The following GLG1 variants were observed in gnomAD, a reference collection of about 807,000 sequenced individuals.
GLG1 encodes the protein Golgi apparatus protein 1.
Under a neutral mutation model 160.5 loss-of-function variants are expected in GLG1, and 38 were observed. The ratio of observed to expected loss-of-function variants is 0.24; its 90% confidence interval spans 0.18 to 0.31. GLG1 has a LOEUF of 0.31. Ranked by LOEUF, GLG1 falls within the 10% of genes least tolerant of loss-of-function variation. The pLI, the probability that GLG1 is intolerant of heterozygous loss-of-function variation, is 1.00. For missense variants in GLG1, 1,373 were observed against 1,505.2 expected (o/e 0.91, Z 1.45); for synonymous variants, 644 against 543.4 (o/e 1.19, Z -2.57).
chr16:74,477,109 T>C (rs949796241), intron 12 of GLG1, among the ~76,000 whole-genome samples: 4 of 152,218 alleles, frequency 2.6e-5, no homozygotes, highest in Non-Finnish European at 4.4e-5. Flanking sequence ...AGGCAGGCCA[T>C]ACCATTGGCT....
Position 74,453,040 on chromosome 16 carries a change from A to T in GLG1, c.*127T>A. 1 of 1,486,554 alleles carries T rather than the reference A, an allele frequency of 6.7e-7. No homozygotes were observed. The highest frequency in any genetic ancestry group is 8.9e-7 in the Non-Finnish European group (1 of 1,118,322). 92.1% of individuals were successfully genotyped at this position (1,486,554 alleles called of 1,614,324 possible). A position where few individuals can be genotyped will look rare whatever the true frequency, so the allele number is the denominator to read the frequency against. ...GGCTGGATGGGACAACGCAGTGGACATCTGCTAATGCTCTAACACGGGGTT... is the reference window on the plus strand; with the variant it reads ...GGCTGGATGGGACAACGCAGTGGACTTCTGCTAATGCTCTAACACGGGGTT... On this transcript the variant is annotated 3_prime_UTR_variant, in exon 26 of 26. Transcript: ENST00000422840.
In GLG1 at chr16:74,480,298, T is replaced by C. The variant is rs562452730; in HGVS notation, c.1770A>G (p.Gly590=). 6.2e-7 allele frequency: 1 copy of C among 1,613,030 alleles called. No individual in the cohort carries two copies. Among genetic ancestry groups the C allele is most frequent in the Admixed American group, 1.7e-5 (1 of 60,002 alleles). ...WNETSEFMPQ[G]AVFSCLYRHA... is the part of the protein sequence containing the mutation. ...GTCTGTATAAACAAGAGAACACAGC[T>C]CCCTGAGGCATAAATTCACTGGTCT... Residue 590 remains glycine, a synonymous_variant, in exon 11 of 26, where the codon GGA becomes GGG. Coordinates refer to ENST00000422840, the MANE Select transcript of GLG1 (RefSeq NM_001145667.2).
At chr16:74,478,689 A>G (rs1450031335) in intron 11 of GLG1, among the ~76,000 whole-genome samples, 1 of 152,044 alleles carries the variant, frequency 6.6e-6, no homozygotes, top group African/African-American at 2.4e-5. Flanking sequence ...AGGCGGGCAG[A>G]TCACCTGAGG....
At chr16:74,480,183 AAAC>A in intron 11 of GLG1, 55 bp downstream of exon 11, 1 of 1,394,644 alleles carries the variant, frequency 7.2e-7, no homozygotes, top group Non-Finnish European at 1.0e-6. Context: ...AATATACAGC[AAAC>A]AATTTAAAAA....
intron 2 of GLG1, among the ~76,000 whole-genome samples, chr16:74,531,575 C>T (rs1449292235): frequency 6.6e-6 from 1 of 151,948 alleles, no homozygotes; most frequent in Admixed American, 6.6e-5. Flanking sequence ...GATCTACCTG[C>T]CTCAGCCTCC....
chr16:74,476,726 T>C (rs566078772), intron 12 of GLG1, among the ~76,000 whole-genome samples: 17 of 152,300 alleles, frequency 1.1e-4, no homozygotes, highest in African/African-American at 3.8e-4. Flanking sequence ...CAGGGAATTT[T>C]TGGGGGCTGC....
chr16:74,483,455 G>C (rs1030490158), intron 9 of GLG1, among the ~76,000 whole-genome samples: 2 of 152,026 alleles, frequency 1.3e-5, no homozygotes, highest in Non-Finnish European at 2.9e-5. Context: ...TCAATCTGTG[G>C]CCAAGTCTGT....
rs1028336894 is a variant in GLG1 at position 74,557,313 on chromosome 16, A to G, written c.439-25160T>C. 3.9e-5 allele frequency among the ~76,000 whole-genome samples: 6 copies of G among 152,312 alleles called. No individual in the cohort carries two copies. In the Middle Eastern group the frequency reaches 0.01, roughly 259 times the overall value. ...TACTATGTAATAGTAAGTGTGCTGA[A>G]GTAAAGCTGTGAGACTCAATTAAAG... is the stretch of plus-strand genomic sequence containing the variant. On this transcript the variant is annotated intron_variant, in intron 1 of 25. Transcript: ENST00000422840.
chr16:74,459,218 C>G (rs551622671), intron 23 of GLG1, among the ~76,000 whole-genome samples: 1 of 152,302 alleles, frequency 6.6e-6, no homozygotes, highest in South Asian at 2.1e-4. Flanking sequence ...GTGGCTCACA[C>G]CTGTAATCCC....
At chr16:74,480,134 T>C (rs1005715) in intron 11 of GLG1, 107 bp downstream of exon 11, 133,491 of 883,586 alleles carry the variant, frequency 0.15, 11,962 homozygotes, top group Admixed American at 0.3. Context: ...CCCCACAAAA[T>C]AGTCTAAAAA....
At chr16:74,480,516 A>G in intron 10 of GLG1, 122 bp from the exon 11 acceptor site, 1 of 617,144 alleles carries the variant, frequency 1.6e-6, no homozygotes, top group Non-Finnish European at 2.8e-6. Flanking sequence ...AGGGGCGTGG[A>G]GACAGAAGAT....
At chr16:74,551,394 C>T (rs1331265110) in intron 1 of GLG1, among the ~76,000 whole-genome samples, 1 of 151,756 alleles carries the variant, frequency 6.6e-6, no homozygotes, top group East Asian at 1.9e-4. Flanking sequence ...CCAACCCCCA[C>T]CTCAGCTCAA....
chr16:74,579,926 G>A (rs1174326135), intron 1 of GLG1, among the ~76,000 whole-genome samples: 1 of 148,324 alleles, frequency 6.7e-6, no homozygotes, highest in African/African-American at 2.5e-5. Context: ...AGCTGGGCGT[G>A]GTGGCACGTG....
chr16:74,509,231 G>T (rs537976186), intron 2 of GLG1, among the ~76,000 whole-genome samples: 1 of 143,532 alleles, frequency 7.0e-6, no homozygotes, highest in Admixed American at 7.2e-5. Flanking sequence ...GGAGTGCAAC[G>T]GCGTGATCGT....
Position 74,447,858 on chromosome 16 carries a change from G to C in GLG1, c.*5309C>G, listed in dbSNP as rs1597204290. ...CCTAGCATGTCTGACAGAAAGCCCT[G>C]CTGGGCTCTGGGGTCCAGATGTCAA... is the stretch of plus-strand genomic sequence containing the variant. On this transcript the variant is annotated 3_prime_UTR_variant, in exon 26 of 26. Coordinates refer to ENST00000422840, the MANE Select transcript of GLG1 (RefSeq NM_001145667.2). 6.6e-6 allele frequency: 1 copy of C among 152,420 alleles called. No individual in the cohort carries two copies. The highest frequency in any genetic ancestry group is 1.9e-4 in the East Asian group (1 of 5,176). 9.4% of individuals were successfully genotyped at this position (152,420 alleles called of 1,614,324 possible).
At chr16:74,567,092 T>G (rs1397363298) in intron 1 of GLG1, among the ~76,000 whole-genome samples, 3 of 152,236 alleles carry the variant, frequency 2.0e-5, no homozygotes, top group Admixed American at 2.0e-4. Context: ...ATGGGTCTCC[T>G]AAAATCTAGC....
intron 9 of GLG1, among the ~76,000 whole-genome samples, chr16:74,484,114 C>T (rs1440427300): frequency 2.0e-5 from 3 of 151,930 alleles, no homozygotes; most frequent in South Asian, 2.1e-4. Flanking sequence ...GTTATTTTTA[C>T]ACTGTAAATA....
Position 74,470,054 on chromosome 16 carries a change from C to T in GLG1, c.2249G>A (p.Arg750Gln), listed in dbSNP as rs760108754. 1.2e-6 allele frequency: 2 copies of T among 1,606,608 alleles called. No homozygotes were observed. The highest frequency in any genetic ancestry group is 1.1e-5 in the South Asian group (1 of 90,900). The change falls in exon 16 of 26, where the codon CGG becomes CAG. Residue 750 changes from arginine to glutamine, a missense_variant. Transcript: ENST00000422840. ...GGCCATTTTAAACTTGTAAGAAAAC[C>T]GAAAATCCTTCATCTGCACCTGAAA... is the stretch of plus-strand genomic sequence containing the variant. ...HFQLVQMKDFRFSYKFKMACK... is the reference protein window; with the variant it reads ...HFQLVQMKDFQFSYKFKMACK...
At chr16:74,464,722 A>T (rs1002556644) in intron 19 of GLG1, among the ~76,000 whole-genome samples, 3 of 152,236 alleles carry the variant, frequency 2.0e-5, no homozygotes, top group African/African-American at 7.2e-5. Flanking sequence ...AGTTAAAAAG[A>T]CTTACATTCT....
Sources: allele counts gnomAD v4.1 joint callset (sites outside exome capture counted in the v4.1 genomes callset), GRCh38; gene constraint gnomAD v4.1.1; transcripts MANE v1.5; gene names NCBI Gene and HGNC (gene_info 2026-07-23, HGNC 2026-07-21).